Variants in PIGN observed in about 807,000 individuals in gnomAD.
PIGN encodes phosphatidylinositol glycan anchor biosynthesis class N, also known as GPI ethanolamine phosphate transferase 1.
Under a neutral mutation model 125.4 loss-of-function variants are expected in PIGN, and 117 were observed. The observed-to-expected ratio is 0.93, with a 90% CI of 0.80 to 1.09. The LOEUF (loss-of-function observed/expected upper bound fraction) is 1.09, where lower values mean the gene tolerates loss of function less well. PIGN is among the 50% of genes least tolerant of loss of function. The probability of loss-of-function intolerance (pLI) is 0.00; values close to 1 mark genes in which losing one functional copy is unlikely to be tolerated. For missense variants in PIGN, 1,075 were observed against 1,094.9 expected, an observed-to-expected ratio of 0.98 and a Z score of 0.26; for synonymous variants, 392 against 377.8, an observed-to-expected ratio of 1.04 and a Z score of -0.44.
chr18:62,080,615 G>C (rs1200478386), intron 28 of PIGN, among the ~76,000 whole-genome samples: 1 of 152,078 alleles, frequency 6.6e-6, no homozygotes, highest in Non-Finnish European at 1.5e-5. Context: ...CTTTTCCCTT[G>C]TTCCTGTCTG....
intron 1 of PIGN, among the ~76,000 whole-genome samples, chr18:62,185,961 G>T (rs554248234): frequency 5.7e-4 from 86 of 151,926 alleles, no homozygotes; most frequent in African/African-American, 2.0e-3. Flanking sequence ...CAGAAATGTT[G>T]CAGGAGACAG....
At chr18:62,040,433 A>G (rs145318438), downstream of PIGN, among the ~76,000 whole-genome samples, 418 of 152,294 alleles carry the variant, frequency 2.7e-3, 4 homozygotes, top group South Asian at 0.016. Context: ...TATTTTGCCA[A>G]ATGTTCCTAT....
intron 1 of PIGN, among the ~76,000 whole-genome samples, chr18:62,164,641 G>T (rs531014459): frequency 6.6e-6 from 1 of 152,046 alleles, no homozygotes; most frequent in African/African-American, 2.4e-5. Flanking sequence ...CAACACATGG[G>T]GATTACAATT....
intron 23 of PIGN, among the ~76,000 whole-genome samples, chr18:62,030,490 GAAAT>G (rs2030181572): frequency 6.6e-6 from 1 of 152,158 alleles, no homozygotes; most frequent in Non-Finnish European, 1.5e-5. Context: ...ATAAATACCA[GAAAT>G]ATCAAAGGGA....
chr18:62,036,854 G>A (rs2144905180), downstream of PIGN, among the ~76,000 whole-genome samples: 1 of 152,264 alleles, frequency 6.6e-6, no homozygotes, highest in South Asian at 2.1e-4. Context: ...CTTGACCTGG[G>A]ACACGTGAGG....
intron 28 of PIGN, 29 bp downstream of exon 28, chr18:62,082,644 C>G (rs1284263416): frequency 1.6e-6 from 2 of 1,280,946 alleles, no homozygotes. Flanking sequence ...ATAGGCAAAT[C>G]AAATGTTTCT....
chr18:62,164,260 A>C (rs1356333178), intron 1 of PIGN, among the ~76,000 whole-genome samples: 1 of 152,248 alleles, frequency 6.6e-6, no homozygotes, highest in Non-Finnish European at 1.5e-5. Context: ...GGTAAATATC[A>C]CTGTCTCTGC....
At chr18:62,065,088 G>A (rs186082756) in intron 30 of PIGN, among the ~76,000 whole-genome samples, 259 of 152,236 alleles carry the variant, frequency 1.7e-3, no homozygotes, top group Non-Finnish European at 2.8e-3. Flanking sequence ...GACAATAAAA[G>A]GCTAAAAGGC....
At chr18:62,175,548 T>G (rs534728377) in intron 1 of PIGN, among the ~76,000 whole-genome samples, 1 of 152,288 alleles carries the variant, frequency 6.6e-6, no homozygotes, top group South Asian at 2.1e-4. Context: ...CCTGTGTTCT[T>G]CCACTACCTC....
At chr18:62,059,185 A>AC in intron 30 of PIGN, 1 of 150,976 alleles carries the variant, frequency 6.6e-6, no homozygotes, top group Non-Finnish European at 1.5e-5. Context: ...AAAAAAAAAA[A>AC]AAAAAAAAAA....
At chr18:62,168,377 T>C (rs769618291) in intron 1 of PIGN, among the ~76,000 whole-genome samples, 8 of 152,188 alleles carry the variant, frequency 5.3e-5, no homozygotes, top group Non-Finnish European at 2.9e-5. Flanking sequence ...CCTTAGCATA[T>C]TCACCTAAAT....
intron 30 of PIGN, among the ~76,000 whole-genome samples, chr18:62,061,115 C>T (rs1008915332): frequency 4.6e-5 from 7 of 152,142 alleles, no homozygotes; most frequent in Admixed American, 1.3e-4. Flanking sequence ...TCCTGAGTCT[C>T]AATTTCAGTT....
At chr18:62,060,707 A>T (rs1031109259) in intron 30 of PIGN, among the ~76,000 whole-genome samples, 2 of 152,234 alleles carry the variant, frequency 1.3e-5, no homozygotes, top group Non-Finnish European at 2.9e-5. Context: ...CCAAATGAAG[A>T]CTGCCATCAA....
At chr18:62,183,938 CTTATT>C (rs1258303428) in intron 1 of PIGN, among the ~76,000 whole-genome samples, 1 of 151,944 alleles carries the variant, frequency 6.6e-6, no homozygotes, top group African/African-American at 2.4e-5. Context: ...TCACTAACTA[CTTATT>C]TTAATTAGTT....
At chr18:62,097,120 A>G (rs1463069326) in intron 22 of PIGN, among the ~76,000 whole-genome samples, 1 of 144,834 alleles carries the variant, frequency 6.9e-6, no homozygotes, top group Non-Finnish European at 1.5e-5. Flanking sequence ...AGAAACTACC[A>G]TCAGAGTGAA....
chr18:62,037,400 G>A (rs1486499847), downstream of PIGN, among the ~76,000 whole-genome samples: 1 of 152,222 alleles, frequency 6.6e-6, no homozygotes, highest in East Asian at 1.9e-4. Flanking sequence ...ATGGGCCATG[G>A]CCGGGCCTGT....
At chr18:62,168,261 G>C (rs1368740105) in intron 1 of PIGN, among the ~76,000 whole-genome samples, 1 of 151,780 alleles carries the variant, frequency 6.6e-6, no homozygotes, top group African/African-American at 2.4e-5. Flanking sequence ...CCCAACTATG[G>C]AATCATTGTA....
chr18:62,147,786 C>T (rs1236980995), intron 8 of PIGN, among the ~76,000 whole-genome samples: 1 of 151,874 alleles, frequency 6.6e-6, no homozygotes, highest in Non-Finnish European at 1.5e-5. Flanking sequence ...TTATGGTATA[C>T]AAAAATGTAT....
intron 1 of PIGN, among the ~76,000 whole-genome samples, chr18:62,167,524 C>T (rs60897234): frequency 0.061 from 9,200 of 150,668 alleles, 923 homozygotes; most frequent in African/African-American, 0.21. Context: ...CTCAGCTACT[C>T]GGGAGGCTGA....
Sources: gnomAD v4.1 joint callset for allele counts (sites outside exome capture counted in the v4.1 genomes callset) on GRCh38, gnomAD v4.1.1 for gene constraint, MANE v1.5 for transcripts, NCBI Gene and HGNC (gene_info 2026-07-23, HGNC 2026-07-21) for gene names.